The following GAPVD1 variants were observed in gnomAD, a reference collection of about 807,000 sequenced individuals.
GAPVD1 encodes the protein GTPase activating protein and VPS9 domains 1.
Under a neutral mutation model 155.5 loss-of-function variants are expected in GAPVD1, and 35 were observed. That is an observed-to-expected ratio of 0.23 (90% confidence interval 0.17 to 0.30). GAPVD1 has a LOEUF of 0.30. Ranked by LOEUF, GAPVD1 falls within the 10% of genes least tolerant of loss-of-function variation. The pLI is 1.00. For synonymous variants in GAPVD1, 636 were observed against 619.7 expected (o/e 1.03, Z -0.39); for missense variants, 1,429 against 1,775.7 (o/e 0.80, Z 3.51).
intron 14 of GAPVD1, 26 bp from the exon 15 acceptor site, chr9:125,332,484 T>G: frequency 6.5e-7 from 1 of 1,540,676 alleles, no homozygotes; most frequent in Non-Finnish European, 8.8e-7. Flanking sequence ...TTCTTCCTGT[T>G]TATTTTTTAC....
intron 11 of GAPVD1, among the ~76,000 whole-genome samples, chr9:125,325,580 T>A (rs1438010192): frequency 2.0e-5 from 3 of 149,546 alleles, no homozygotes; most frequent in Admixed American, 6.6e-5. Flanking sequence ...GATTTTAGCA[T>A]GCATAAGAAT....
Position 125,332,630 on chromosome 9 carries a change from G to A in GAPVD1, c.2428+1G>A, listed in dbSNP as rs1441098295. 1 of 1,605,402 alleles carries A rather than the reference G, an allele frequency of 6.2e-7. No homozygotes were observed. The highest frequency in any genetic ancestry group is 8.5e-7 in the Non-Finnish European group (1 of 1,177,098). ...CCAGACATGGATGAAATAACTCACG[G>A]TAAGAGGGGGAAATGAGGATGACTT... On this transcript the variant is annotated splice_donor_variant, in intron 15 of 27. Transcript: ENST00000297933. LOFTEE classifies it high-confidence loss of function.
chr9:125,351,652 A>T (rs777795854), intron 23 of GAPVD1, among the ~76,000 whole-genome samples: 1 of 152,234 alleles, frequency 6.6e-6, no homozygotes, highest in Non-Finnish European at 1.5e-5. Flanking sequence ...CAGGGCAGTC[A>T]AATCTTAAAG....
Position 125,362,862 on chromosome 9 carries a change from AGGCATTT to A in GAPVD1, c.*117_*123del. 1.2e-6 allele frequency: 1 copy of A among 828,808 alleles called. No individual in the cohort carries two copies. Among genetic ancestry groups the A allele is most frequent in the Non-Finnish European group, 1.8e-6 (1 of 549,264 alleles). The allele number at this position is 828,808 out of a possible 1,614,324, so 51.3% of individuals were successfully genotyped here. ...GTTTTGTATGATACTGCACAGCATC[AGGCATTT>A]TAAAGCAGATCTTTACTAAACAGGT... On this transcript the variant is annotated 3_prime_UTR_variant, in exon 28 of 28. Transcript: ENST00000297933.
At chr9:125,283,854 T>C (rs1837199956) in intron 2 of GAPVD1, among the ~76,000 whole-genome samples, 1 of 151,992 alleles carries the variant, frequency 6.6e-6, no homozygotes, top group Non-Finnish European at 1.5e-5. Context: ...ATTTGTAATA[T>C]ATGTATTTTC....
chr9:125,267,913 T>G (rs920180496), intron 1 of GAPVD1, among the ~76,000 whole-genome samples: 1 of 151,958 alleles, frequency 6.6e-6, no homozygotes, highest in Non-Finnish European at 1.5e-5. Context: ...CTGTGATCCC[T>G]GCATTTTGGG....
chr9:125,272,575 T>A (rs956179593), intron 2 of GAPVD1, among the ~76,000 whole-genome samples: 2 of 152,206 alleles, frequency 1.3e-5, no homozygotes, highest in Admixed American at 6.6e-5. Context: ...TTGGATTCGT[T>A]CTCTTTTTCT....
rs999581747 is a variant in GAPVD1 at position 125,332,632 on chromosome 9, AAG to A, written c.2428+6_2428+7del. On this transcript the variant is annotated splice_donor_5th_base_variant and intron_variant, in intron 15 of 27. Transcript: ENST00000297933. ...AGACATGGATGAAATAACTCACGGT[AAG>A]AGGGGGAAATGAGGATGACTTAAAA... 6.2e-7 allele frequency: 1 copy of A among 1,605,774 alleles called. No homozygotes were observed.
chr9:125,305,649 G>A (rs760270266), intron 6 of GAPVD1, among the ~76,000 whole-genome samples: 8 of 152,160 alleles, frequency 5.3e-5, no homozygotes, highest in Non-Finnish European at 8.8e-5. Context: ...GATTACAGGC[G>A]TGAGCCACCG....
intron 26 of GAPVD1, 187 bp downstream of exon 26, chr9:125,359,679 G>A (rs1850643921): frequency 1.9e-6 from 1 of 535,270 alleles, no homozygotes; most frequent in East Asian, 3.1e-5. Context: ...TCCCTGGTAT[G>A]AAATAGTAGA....
chr9:125,301,980 TAGTGC>T lies in GAPVD1; in HGVS notation c.186-2_188del. 5 of 1,529,818 alleles carry T rather than the reference TAGTGC, an allele frequency of 3.3e-6. No homozygotes were observed. The highest frequency in any genetic ancestry group is 2.3e-5 in the East Asian group (1 of 44,044). The allele number at this position is 1,529,818 out of a possible 1,614,324, so 94.8% of individuals were successfully genotyped here. On this transcript the variant is annotated splice_acceptor_variant and coding_sequence_variant, in exon 5 of 28. Coordinates refer to ENST00000297933, the MANE Select transcript of GAPVD1 (RefSeq NM_001282680.3). LOFTEE classifies it high-confidence loss of function. ...TGTTTGCTCTTTTTTTTTTTTTTTT[TAGTGC>T]TGAAGCTTCCCCTGCTGAATGTTGC...
rs768479771 is a variant in GAPVD1, at chr9:125,355,790, A to T, written c.3904A>T (p.Ser1302Cys). The T allele has an allele frequency of 6.2e-6, 10 of 1,613,630 alleles. No individual in the cohort carries two copies. The Admixed American group carries it at 1.5e-4, about 24-fold the overall frequency. ...AGATGCACAGCTGGCCATTGAGCGAAGCGTGATGAACCGGATTTTCAAGCT... is the reference window on the plus strand; with the variant it reads ...AGATGCACAGCTGGCCATTGAGCGATGCGTGATGAACCGGATTTTCAAGCT... The part of the protein sequence containing the change: ...LQDAQLAIER[S>C]VMNRIFKLAF... Residue 1302 changes from serine to cysteine, a missense_variant, in exon 25 of 28, where the codon AGC (serine) becomes TGC (cysteine). Around this residue, in one of 4 missense-constraint regions of GAPVD1, gnomAD observed 699 missense variants for 826.0 expected, o/e 0.85. Coordinates refer to ENST00000297933, the MANE Select transcript of GAPVD1 (RefSeq NM_001282680.3).
intron 12 of GAPVD1, among the ~76,000 whole-genome samples, chr9:125,329,127 G>T (rs1266636090): frequency 6.6e-6 from 1 of 152,254 alleles, no homozygotes; most frequent in Admixed American, 6.5e-5. Flanking sequence ...GAGGGAGAGG[G>T]AGAGGGAGAG....
chr9:125,263,886 C>T (rs1833393880), intron 1 of GAPVD1: 3 of 1,422,916 alleles, frequency 2.1e-6, no homozygotes, highest in Non-Finnish European at 3.0e-6. Flanking sequence ...TGGATACCCT[C>T]ATTGGTAAGG....
chr9:125,331,856 G>A (rs1236520039), intron 13 of GAPVD1, 70 bp from the exon 14 acceptor site: 2 of 1,454,278 alleles, frequency 1.4e-6, no homozygotes, highest in Admixed American at 1.7e-5. Flanking sequence ...GTTTATCTGG[G>A]TCACAAAAGC....
chr9:125,363,488 ATGAGTG>A lies in GAPVD1; in HGVS notation c.*746_*751del, dbSNP rs1484519396. The A allele has an allele frequency of 6.6e-6, 1 of 152,214 alleles. No homozygotes were observed. Among genetic ancestry groups the A allele is most frequent in the East Asian group, 1.9e-4 (1 of 5,202 alleles). 9.4% of individuals were successfully genotyped at this position (152,214 alleles called of 1,614,324 possible). A position where few individuals can be genotyped will look rare whatever the true frequency, so the allele number is the denominator to read the frequency against. The stretch of plus-strand genomic sequence containing the variant: ...AGTTTGATGGACAGGGCTGCCTTTA[ATGAGTG>A]TGAAGGTCACTAAGTCACTTAGACA... On this transcript the variant is annotated 3_prime_UTR_variant, in exon 28 of 28. Coordinates refer to ENST00000297933, the MANE Select transcript of GAPVD1 (RefSeq NM_001282680.3).
At chr9:125,310,863 G>T (rs1429674314) in intron 8 of GAPVD1, among the ~76,000 whole-genome samples, 1 of 145,394 alleles carries the variant, frequency 6.9e-6, no homozygotes, top group East Asian at 2.1e-4. Flanking sequence ...TTTTTAGACG[G>T]AGTTTCGCTT....
intron 12 of GAPVD1, among the ~76,000 whole-genome samples, chr9:125,328,739 G>A (rs1296911085): frequency 6.6e-6 from 1 of 151,720 alleles, no homozygotes; most frequent in African/African-American, 2.4e-5. Flanking sequence ...CGGGGTGGTG[G>A]CCGGGCAGAG....
intron 6 of GAPVD1, among the ~76,000 whole-genome samples, chr9:125,306,412 C>T (rs994085088): frequency 5.3e-5 from 8 of 152,222 alleles, no homozygotes; most frequent in Non-Finnish European, 1.0e-4. Flanking sequence ...ACACTATATA[C>T]TTCCAACCAT....
Sources: gnomAD v4.1 joint callset for allele counts (sites outside exome capture counted in the v4.1 genomes callset) on GRCh38, gnomAD v4.1.1 for gene constraint, gnomAD v4.1.1 regional missense constraint, MANE v1.5 for transcripts, NCBI Gene and HGNC (gene_info 2026-07-23, HGNC 2026-07-21) for gene names.